SPC25: variants seen among roughly 807,000 people sequenced by gnomAD.
The protein encoded by SPC25 is kinetochore protein Spc25.
A neutral mutation model predicts 29.6 loss-of-function variants in SPC25; 22 were observed. The ratio of observed to expected loss-of-function variants is 0.74; its 90% CI spans 0.53 to 1.06. The LOEUF is 1.06. Among genes scored for constraint, SPC25 ranks in the 50% least tolerant of loss-of-function variants. The probability of loss-of-function intolerance (pLI) is 0.00; values close to 1 mark genes in which losing one functional copy is unlikely to be tolerated. For synonymous variants in SPC25, 91 were observed against 90.4 expected (o/e 1.01, Z -0.04); for missense variants, 230 against 255.8 (o/e 0.90, Z 0.69).
intron 4 of SPC25, chr2:168,865,175 G>C (rs1482794642): frequency 5.1e-6 from 3 of 582,942 alleles, no homozygotes; most frequent in Non-Finnish European, 8.8e-6. Flanking sequence ...CAAGGAAGAG[G>C]CTCCTTGGTT....
Position 168,871,532 on chromosome 2 carries a change from C to G in SPC25, c.574G>C (p.Glu192Gln), listed in dbSNP as rs146133605. ...TTCTCTTGAAATTCTGCTAGGCCCTCAAGATGAGGGGCACTATCTGACACT... is the reference window on the plus strand; with the variant it reads ...TTCTCTTGAAATTCTGCTAGGCCCTGAAGATGAGGGGCACTATCTGACACT... ...YEVSDSAPHL[E>Q]GLAEFQENVR... The change falls in exon 7 of 7, where the codon GAG becomes CAG. Residue 192 changes from glutamate to glutamine, a missense_variant. Glu to Gln is a conservative substitution (Grantham distance 29). Coordinates refer to ENST00000282074, the MANE Select transcript of SPC25 (RefSeq NM_020675.4). 1.5e-4 allele frequency: 237 copies of G among 1,593,392 alleles called. No homozygotes were observed. Among genetic ancestry groups the G allele is most frequent in the Non-Finnish European group, 1.9e-4 (222 of 1,173,200 alleles).
chr2:168,887,431 A>AAAAAAAAAAAAAAAAAAAG (rs1559157968), intron 3 of SPC25, among the ~76,000 whole-genome samples: 3 of 133,454 alleles, frequency 2.2e-5, no homozygotes, highest in African/African-American at 9.6e-5. Flanking sequence ...CAAAAAAAAA[A>AAAAAAAAAAAAAAAAAAAG]AAAGAAAGAA....
chr2:168,868,430 A>G (rs1689913287), downstream of SPC25, among the ~76,000 whole-genome samples: 1 of 152,194 alleles, frequency 6.6e-6, no homozygotes, highest in African/African-American at 2.4e-5. Context: ...GGCTTTTTGA[A>G]AAGATCAACA....
chr2:168,871,300 C>G lies in SPC25; in HGVS notation c.*131G>C. The G allele has an allele frequency of 8.6e-6, 7 of 812,724 alleles. No individual in the cohort carries two copies. The highest frequency in any genetic ancestry group is 1.3e-5 in the Non-Finnish European group (7 of 543,862). 50.3% of individuals were successfully genotyped at this position (812,724 alleles called of 1,614,324 possible). A position where few individuals can be genotyped will look rare whatever the true frequency, so the allele number is the denominator to read the frequency against. ...AGCACACCAATATGGCACATGTATA[C>G]ATATGTAACAAACCTGCACATTGTG... On this transcript the variant is annotated 3_prime_UTR_variant, in exon 7 of 7. Transcript: ENST00000282074.
intron 2 of SPC25, 27 bp from the exon 3 acceptor site, chr2:168,889,318 C>G: frequency 6.2e-7 from 1 of 1,613,296 alleles, no homozygotes; most frequent in Non-Finnish European, 8.5e-7. Flanking sequence ...ACTTTCAATT[C>G]AGCTGCAATA....
chr2:168,889,873 T>A (rs916429250), intron 1 of SPC25, among the ~76,000 whole-genome samples: 32 of 152,140 alleles, frequency 2.1e-4, no homozygotes, highest in African/African-American at 7.7e-4. Context: ...TGAACAGAGA[T>A]CATCAGGATA....
chr2:168,886,978 A>C (rs1277624843), intron 3 of SPC25, among the ~76,000 whole-genome samples: 1 of 152,212 alleles, frequency 6.6e-6, no homozygotes, highest in Non-Finnish European at 1.5e-5. Flanking sequence ...ATGCCTAGGG[A>C]TCCTACAAAG....
intron 3 of SPC25, among the ~76,000 whole-genome samples, chr2:168,888,358 G>A (rs1220547527): frequency 6.6e-6 from 1 of 152,054 alleles, no homozygotes; most frequent in Admixed American, 6.5e-5. Context: ...GATTGAGACC[G>A]TCTTGGCTAA....
chr2:168,884,690 G>A (rs1387571460), intron 3 of SPC25, among the ~76,000 whole-genome samples: 3 of 152,078 alleles, frequency 2.0e-5, no homozygotes, highest in Non-Finnish European at 4.4e-5. Flanking sequence ...TGTCTTTCCT[G>A]GTCGTTTCCA....
chr2:168,879,950 A>G (rs1032851522), intron 3 of SPC25, among the ~76,000 whole-genome samples: 10 of 152,224 alleles, frequency 6.6e-5, no homozygotes, highest in Admixed American at 5.2e-4. Flanking sequence ...GAAGGCCTCA[A>G]CAGTGGGCCT....
At chr2:168,861,922 C>G (rs144696455) in intron 4 of SPC25, 10 of 1,584,310 alleles carry the variant, frequency 6.3e-6, no homozygotes, top group Non-Finnish European at 8.7e-6. Context: ...CATTTGCCTG[C>G]TAACACAGCA....
chr2:168,888,910 A>C (rs1037583455), intron 3 of SPC25, among the ~76,000 whole-genome samples: 1 of 141,808 alleles, frequency 7.1e-6, no homozygotes, highest in Non-Finnish European at 1.5e-5. Flanking sequence ...TACAGGCATG[A>C]GCCACTACAT....
At chr2:168,871,709 T>C (rs1263506726) in intron 6 of SPC25, among the ~76,000 whole-genome samples, 154 bp from the exon 7 acceptor site, 1 of 152,182 alleles carries the variant, frequency 6.6e-6, no homozygotes, top group Non-Finnish European at 1.5e-5. Flanking sequence ...GATTTTCCTA[T>C]GCCAAATATC....
chr2:168,873,062 TCC>T (rs1341591755), intron 6 of SPC25, among the ~76,000 whole-genome samples: 1 of 152,218 alleles, frequency 6.6e-6, no homozygotes, highest in Non-Finnish European at 1.5e-5. Flanking sequence ...TGATATATAT[TCC>T]TTATAAATCA....
intron 5 of SPC25, among the ~76,000 whole-genome samples, chr2:168,874,574 A>G (rs1425603667): frequency 6.6e-6 from 1 of 152,156 alleles, no homozygotes. Flanking sequence ...GGTCTTTTTT[A>G]TGATTCACTA....
chr2:168,862,109 A>G, intron 4 of SPC25: 1 of 1,477,856 alleles, frequency 6.8e-7, no homozygotes, highest in Non-Finnish European at 9.5e-7. Flanking sequence ...TAGCATGAAT[A>G]AAACCCTGTC....
At position 168,877,414 on chromosome 2, in the gene SPC25, T is replaced by C. The variant is rs774159258; in HGVS notation, c.200-30A>G. On this transcript the variant is annotated intron_variant, in intron 3 of 6. Transcript: ENST00000282074. Reference sequence around the variant, plus strand: ...AAGAAGCACAAGGTATTAGCTAGAATATGCTTGGCTCTCTGACATGTATCT... The same window carrying C: ...AAGAAGCACAAGGTATTAGCTAGAACATGCTTGGCTCTCTGACATGTATCT... 5 of 1,611,814 alleles carry C rather than the reference T, an allele frequency of 3.1e-6. No individual in the cohort carries two copies. In the East Asian group the frequency reaches 1.1e-4, roughly 36 times the overall value.
chr2:168,887,158 T>C (rs1054704663), intron 3 of SPC25, among the ~76,000 whole-genome samples: 4 of 151,982 alleles, frequency 2.6e-5, no homozygotes, highest in Non-Finnish European at 4.4e-5. Flanking sequence ...CAGTGGCTCA[T>C]GCCTGTAATC....
At chr2:168,889,198 A>C (rs765222190) in intron 3 of SPC25, 28 bp downstream of exon 3, 27 of 1,590,698 alleles carry the variant, frequency 1.7e-5, no homozygotes, top group African/African-American at 5.4e-5. Context: ...TCTAAAAAAA[A>C]CCCCATGATT....
Sources: allele counts gnomAD v4.1 joint callset (sites outside exome capture counted in the v4.1 genomes callset), GRCh38; gene constraint gnomAD v4.1.1; transcripts MANE v1.5; gene names NCBI Gene and HGNC (gene_info 2026-07-23, HGNC 2026-07-21).